Variants in CTU2 observed in about 807,000 individuals in gnomAD.
CTU2 encodes the protein cytosolic thiouridylase subunit 2.
CTU2 carries 80 observed loss-of-function variants against 64.1 expected under a neutral mutation model. The observed-to-expected ratio is 1.25, with a 90% CI of 1.04 to 1.50. The LOEUF is 1.50. Among genes scored for constraint, CTU2 ranks in the 40% most tolerant of loss-of-function variants. The probability of loss-of-function intolerance (pLI) is 0.00; values close to 1 mark genes in which losing one functional copy is unlikely to be tolerated. For missense variants in CTU2, 1,110 were observed against 690.2 expected (o/e 1.61, Z -6.81); for synonymous variants, 482 against 285.3 (o/e 1.69, Z -6.95).
rs571980186 is a variant in CTU2, at chr16:88,707,447, T to G, written c.143+237T>G. The stretch of plus-strand genomic sequence containing the variant: ...CCCCTGATGAGGTTTCTGATGGAAC[T>G]TATGGGGACAGTTGGAAGTGGGGCC... On this transcript the variant is annotated intron_variant, in intron 2 of 14. Transcript: ENST00000453996. 4.9e-4 allele frequency among the ~76,000 whole-genome samples: 75 copies of G among 152,280 alleles called. No homozygotes were observed. In the South Asian group the frequency reaches 0.014, roughly 29 times the overall value.
chr16:88,711,886 G>A (rs562851513), intron 5 of CTU2, among the ~76,000 whole-genome samples, 191 bp downstream of exon 5: 1 of 152,338 alleles, frequency 6.6e-6, no homozygotes, highest in African/African-American at 2.4e-5. Flanking sequence ...TGTATCCATC[G>A]TTAGGTGGCA....
chr16:88,708,998 G>C (rs1567645999), intron 2 of CTU2: 1 of 152,204 alleles, frequency 6.6e-6, no homozygotes, highest in Non-Finnish European at 1.5e-5. Context: ...ATTACAGCTG[G>C]GCGCAGTGGC....
In CTU2 at chr16:88,715,165, T is replaced by C; in HGVS notation, c.1479-17T>C. The C allele has an allele frequency of 6.2e-7, 1 of 1,611,380 alleles. No homozygotes were observed. The highest frequency in any genetic ancestry group is 8.5e-7 in the Non-Finnish European group (1 of 1,179,350). On this transcript the variant is annotated splice_polypyrimidine_tract_variant and intron_variant, in intron 14 of 14. Transcript: ENST00000453996. ...AAGGGGCCTCGGGGCTGGTGCCCAC[T>C]GCAGCTTTCTCTCTAGGGCCTGGGG...
intron 5 of CTU2, 46 bp from the exon 6 acceptor site, chr16:88,712,228 C>G: frequency 6.6e-7 from 1 of 1,514,712 alleles, no homozygotes; most frequent in Non-Finnish European, 9.0e-7. Context: ...GCCTGCCCTG[C>G]CTGGCTCCTC....
chr16:88,709,696 G>A (rs1015620005), intron 2 of CTU2: 3 of 538,690 alleles, frequency 5.6e-6, no homozygotes, highest in African/African-American at 3.8e-5. Context: ...TGCAGCCTCC[G>A]TGGCTGTGCA....
chr16:88,708,759 C>T (rs1454855374), intron 2 of CTU2, among the ~76,000 whole-genome samples: 1 of 152,148 alleles, frequency 6.6e-6, no homozygotes, highest in Non-Finnish European at 1.5e-5. Context: ...AGACTTAGAG[C>T]CCCAGGTGCA....
chr16:88,714,785 G>A (rs1168218116), intron 12 of CTU2, 48 bp downstream of exon 12: 3 of 1,607,828 alleles, frequency 1.9e-6, no homozygotes, highest in Non-Finnish European at 8.5e-7. Flanking sequence ...GGGGCGGGAG[G>A]GGGACCTGTC....
At chr16:88,708,113 C>A (rs1597422474) in intron 2 of CTU2, among the ~76,000 whole-genome samples, 1 of 152,200 alleles carries the variant, frequency 6.6e-6, no homozygotes, top group East Asian at 1.9e-4. Flanking sequence ...CACACCTGGC[C>A]AAGATAGGTA....
rs1001375714 is a variant in CTU2, at chr16:88,707,053, C to T, written c.69-83C>T. On this transcript the variant is annotated intron_variant, in intron 1 of 14. Transcript: ENST00000453996. The stretch of plus-strand genomic sequence containing the variant: ...CTCTGACCCAACTCAGGGTGAGAAA[C>T]AGGAGCTGTCTCCCCAAAGCCCACT... 1.0e-5 allele frequency: 14 copies of T among 1,394,100 alleles called. No homozygotes were observed. In the African/African-American group the frequency reaches 1.7e-4, roughly 17 times the overall value. The allele number at this position is 1,394,100 out of a possible 1,614,324, so 86.4% of individuals were successfully genotyped here.
Position 88,711,752 on chromosome 16 carries a change from TCCTCCCTCTGGTGTGGAC to T in CTU2, c.343+71_343+88del, listed in dbSNP as rs939346267. ...GGCCACTTGGGGTAAGCCCTGCGGA[TCCTCCCTCTGGTGTGGAC>T]CCTCCCTCTGGTGCCGGTCCTCCCT... On this transcript the variant is annotated intron_variant, in intron 5 of 14. Coordinates refer to ENST00000453996, the MANE Select transcript of CTU2 (RefSeq NM_001012759.3). 30 of 1,524,766 alleles carry T rather than the reference TCCTCCCTCTGGTGTGGAC, an allele frequency of 2.0e-5. No homozygotes were observed. In the East Asian group the frequency reaches 2.3e-4, roughly 12 times the overall value. The allele number at this position is 1,524,766 out of a possible 1,614,324, so 94.5% of individuals were successfully genotyped here.
At chr16:88,706,621 G>C in intron 1 of CTU2, 23 bp downstream of exon 1, 1 of 1,380,966 alleles carries the variant, frequency 7.2e-7, no homozygotes, top group Non-Finnish European at 9.3e-7. Flanking sequence ...GGCCGGACCC[G>C]CCAGGCCGCC....
chr16:88,714,940 C>T lies in CTU2; in HGVS notation c.1419+14C>T, dbSNP rs764668645. On this transcript the variant is annotated intron_variant, in intron 13 of 14. Coordinates refer to ENST00000453996, the MANE Select transcript of CTU2 (RefSeq NM_001012759.3). ...ATGAAGGACTTGGTGAGTACGTGCC[C>T]ACCTGTCCTGGGCCGGGCTTGGGGA... 3 of 1,612,218 alleles carry T rather than the reference C, an allele frequency of 1.9e-6. No individual in the cohort carries two copies. The highest frequency in any genetic ancestry group is 2.5e-6 in the Non-Finnish European group (3 of 1,179,738).
At chr16:88,712,042 C>T (rs1051290792) in intron 5 of CTU2, 4 of 668,140 alleles carry the variant, frequency 6.0e-6, no homozygotes, top group East Asian at 5.4e-5. Flanking sequence ...GGCCGACTCC[C>T]CGACCCTTGC....
Position 88,706,629 on chromosome 16 carries a change from G to A in CTU2, c.68+31G>A, listed in dbSNP as rs780539868. The A allele has an allele frequency of 8.8e-6, 12 of 1,364,406 alleles. No homozygotes were observed. In the African/African-American group the frequency reaches 1.1e-4, roughly 12 times the overall value. The allele number at this position is 1,364,406 out of a possible 1,614,324, so 84.5% of individuals were successfully genotyped here. ...AGCTGGCGGCCGGACCCGCCAGGCC[G>A]CCCCTCGCCTTCCCGCCGCACTCCT... On this transcript the variant is annotated intron_variant, in intron 1 of 14. Transcript: ENST00000453996.
rs761352270 is a variant in CTU2 at position 88,711,706 on chromosome 16, C to T, written c.343+11C>T. 8 of 1,606,536 alleles carry T rather than the reference C, an allele frequency of 5.0e-6. No homozygotes were observed. Among genetic ancestry groups the T allele is most frequent in the East Asian group, 2.2e-5 (1 of 44,558 alleles). On this transcript the variant is annotated intron_variant, in intron 5 of 14. Coordinates refer to ENST00000453996, the MANE Select transcript of CTU2 (RefSeq NM_001012759.3). ...TCATCTTTGTTGACGGTATGTGGGG[C>T]CATTGCTCCTCCTAGTCCCTGGCCA... is the stretch of plus-strand genomic sequence containing the variant.
Position 88,712,794 on chromosome 16 carries a change from AC to A in CTU2, c.631del (p.Gln211ArgfsTer22), listed in dbSNP as rs1464781408. ...GAACAGCCACCCCAGCCCCCGCTGG[AC>A]CCCCAGAACCTGGCAAGACCGCCTG... Reference protein sequence around the residue: ...GEEQPPQPPLDPQNLARPPAP... With the variant: ...GEEQPPQPPLXPQNLARPPAP... On this transcript the variant is annotated frameshift_variant, in exon 7 of 15. Coordinates refer to ENST00000453996, the MANE Select transcript of CTU2 (RefSeq NM_001012759.3). LOFTEE classifies it high-confidence loss of function. 2.5e-6 allele frequency: 4 copies of A among 1,606,330 alleles called. No individual in the cohort carries two copies. The highest frequency in any genetic ancestry group is 8.5e-7 in the Non-Finnish European group (1 of 1,177,112).
At chr16:88,711,758 C>A (rs1056800515) in intron 5 of CTU2, 63 bp downstream of exon 5, 3 of 1,487,762 alleles carry the variant, frequency 2.0e-6, no homozygotes, top group African/African-American at 2.8e-5. Flanking sequence ...CGGATCCTCC[C>A]TCTGGTGTGG....
In CTU2 at chr16:88,712,280, C is replaced by A; in HGVS notation, c.350C>A (p.Ala117Glu). The change falls in exon 6 of 15, where the codon GCA becomes GAA. Residue 117 changes from alanine (A) to glutamate (E), a missense_variant. Transcript: ENST00000453996. ...TTCTGCCTGGGTTTTTCAGAGGGAG[C>A]AGCCTGTGGCCAGAGCCTAGAGGAG... ...VAGVIFVDEG[A>E]ACGQSLEERS... 6.2e-7 allele frequency: 1 copy of A among 1,600,392 alleles called. No individual in the cohort carries two copies. The highest frequency in any genetic ancestry group is 8.5e-7 in the Non-Finnish European group (1 of 1,173,298).
In CTU2 at chr16:88,709,892, C is replaced by T. The variant is rs774263987; in HGVS notation, c.144-46C>T. On this transcript the variant is annotated intron_variant, in intron 2 of 14. Transcript: ENST00000453996. ...TGGCAGCGCCTCAGGACGCTGCTCA[C>T]TGTGCGGGTAGCAGGCGGTTCCCTC... 1.0e-5 allele frequency: 16 copies of T among 1,563,522 alleles called. No individual in the cohort carries two copies. In the South Asian group the frequency reaches 1.7e-4, roughly 16 times the overall value.
Sources: gnomAD v4.1 joint callset for allele counts (sites outside exome capture counted in the v4.1 genomes callset) on GRCh38, gnomAD v4.1.1 for gene constraint, MANE v1.5 for transcripts, NCBI Gene and HGNC (gene_info 2026-07-23, HGNC 2026-07-21) for gene names.